Variants in FAM135B observed in about 807,000 individuals in gnomAD.
FAM135B encodes family with sequence similarity 135 member B, also known as protein FAM135B.
In FAM135B, 43 loss-of-function variants were observed where a neutral mutation model predicts 127.7. The ratio of observed to expected loss-of-function variants is 0.34; its 90% confidence interval spans 0.26 to 0.43. The LOEUF is 0.43. Ranked by LOEUF, FAM135B falls within the 20% of genes least tolerant of loss-of-function variation. The probability of loss-of-function intolerance (pLI) is 1.00; values close to 1 mark genes in which losing one functional copy is unlikely to be tolerated. For missense variants in FAM135B, 1,558 were observed against 1,725.6 expected, an observed-to-expected ratio of 0.90 and a Z score of 1.72; for synonymous variants, 670 against 665.1, an observed-to-expected ratio of 1.01 and a Z score of -0.11.
intron 1 of FAM135B, among the ~76,000 whole-genome samples, chr8:138,478,057 T>C (rs1814595026): frequency 6.6e-6 from 1 of 152,118 alleles, no homozygotes; most frequent in African/African-American, 2.4e-5. Context: ...GGATAAGCCA[T>C]GTCGTGAGGT....
At chr8:138,350,915 C>T (rs1829735779) in intron 2 of FAM135B, among the ~76,000 whole-genome samples, 1 of 152,138 alleles carries the variant, frequency 6.6e-6, no homozygotes. Context: ...AATGTCGTTG[C>T]CATATAACCT....
At chr8:138,428,768 T>C (rs563095806) in intron 1 of FAM135B, among the ~76,000 whole-genome samples, 68 of 152,350 alleles carry the variant, frequency 4.5e-4, no homozygotes, top group African/African-American at 1.6e-3. Flanking sequence ...GGTCCCACTT[T>C]CCTTTTAAAC....
Position 138,423,503 on chromosome 8 carries a change from G to A in FAM135B, c.-19-55501C>T, listed in dbSNP as rs899020589. Among the ~76,000 whole-genome samples, 10 of 152,194 alleles carry A rather than the reference G, an allele frequency of 6.6e-5. No homozygotes were observed. The East Asian group carries it at 7.7e-4, about 12-fold the overall frequency. ...TAGGTTCCGTGATGCCCCACAAGCC[G>A]CAAAACCAGCAAGTTTTTATTAGTG... On this transcript the variant is annotated intron_variant, in intron 1 of 19. Transcript: ENST00000395297.
At chr8:138,208,801 G>C (rs1247947192) in intron 7 of FAM135B, among the ~76,000 whole-genome samples, 1 of 152,086 alleles carries the variant, frequency 6.6e-6, no homozygotes, top group Non-Finnish European at 1.5e-5. Flanking sequence ...GTGTACTTAA[G>C]TGATATTTTA....
At chr8:138,169,049 T>C (rs1161244089) in intron 11 of FAM135B, among the ~76,000 whole-genome samples, 4 of 152,114 alleles carry the variant, frequency 2.6e-5, no homozygotes, top group Non-Finnish European at 5.9e-5. Context: ...CTCAGCATTC[T>C]CAGTAACAGA....
At chr8:138,455,073 C>A (rs1426690305) in intron 1 of FAM135B, among the ~76,000 whole-genome samples, 1 of 152,206 alleles carries the variant, frequency 6.6e-6, no homozygotes, top group African/African-American at 2.4e-5. Context: ...AATGTGGGAA[C>A]TGAGTGTGAT....
chr8:138,205,227 T>C (rs1817465289), intron 7 of FAM135B, among the ~76,000 whole-genome samples: 1 of 152,206 alleles, frequency 6.6e-6, no homozygotes, highest in Admixed American at 6.5e-5. Context: ...CTCACACCCA[T>C]TTTGGAGAGT....
chr8:138,332,797 C>T (rs946540922), intron 2 of FAM135B, among the ~76,000 whole-genome samples: 1 of 152,112 alleles, frequency 6.6e-6, no homozygotes, highest in Non-Finnish European at 1.5e-5. Flanking sequence ...TGTTGAGTTA[C>T]ACCCAAACGA....
intron 1 of FAM135B, among the ~76,000 whole-genome samples, chr8:138,393,187 G>A (rs1449410666): frequency 6.6e-6 from 1 of 152,074 alleles, no homozygotes; most frequent in African/African-American, 2.4e-5. Flanking sequence ...TCTCCCAGTG[G>A]GTCCCTCCCA....
At chr8:138,308,378 T>C (rs976757151) in intron 3 of FAM135B, among the ~76,000 whole-genome samples, 3 of 152,174 alleles carry the variant, frequency 2.0e-5, no homozygotes, top group Non-Finnish European at 2.9e-5. Context: ...AATAAGCCAT[T>C]GTTAAAAGTC....
intron 1 of FAM135B, among the ~76,000 whole-genome samples, chr8:138,398,689 A>T (rs1366349856): frequency 6.6e-6 from 1 of 152,168 alleles, no homozygotes; most frequent in Non-Finnish European, 1.5e-5. Context: ...TCCTCCAAAG[A>T]GGGGGGCATC....
intron 3 of FAM135B, among the ~76,000 whole-genome samples, chr8:138,278,702 A>G (rs1021500563): frequency 2.0e-5 from 3 of 151,614 alleles, no homozygotes; most frequent in African/African-American, 7.3e-5. Context: ...AGCTGGGACT[A>G]TAGGTGCCCA....
intron 9 of FAM135B, among the ~76,000 whole-genome samples, chr8:138,185,780 C>T (rs1815503707): frequency 6.6e-6 from 1 of 152,214 alleles, no homozygotes; most frequent in Admixed American, 6.5e-5. Flanking sequence ...AGCAACATTG[C>T]TCTCCAGTTG....
chr8:138,426,175 A>G (rs1163818707), intron 1 of FAM135B, among the ~76,000 whole-genome samples: 2 of 148,978 alleles, frequency 1.3e-5, no homozygotes, highest in Non-Finnish European at 3.0e-5. Context: ...ACCAGAAAAA[A>G]CTCTAAGCCT....
Position 138,266,159 on chromosome 8 carries a change from C to T in FAM135B, c.158-317G>A, listed in dbSNP as rs80025281. Reference sequence around the variant, plus strand: ...CTCACCTGTTCACCTGTCCCCTTCTCTGTGAAGCATTCCATAAACCTCCTC... The same window carrying T: ...CTCACCTGTTCACCTGTCCCCTTCTTTGTGAAGCATTCCATAAACCTCCTC... On this transcript the variant is annotated intron_variant, in intron 3 of 19. Transcript: ENST00000395297. 3.3e-3 allele frequency among the ~76,000 whole-genome samples: 495 copies of T among 152,242 alleles called. 1 individual carries two copies. The highest frequency in any genetic ancestry group is 0.011 in the African/African-American group (464 of 41,550).
Position 138,131,891 on chromosome 8 carries a change from C to A in FAM135B, c.*702G>T, listed in dbSNP as rs1816245736. 1 of 152,620 alleles carries A rather than the reference C, an allele frequency of 6.6e-6. No individual in the cohort carries two copies. The highest frequency in any genetic ancestry group is 6.5e-5 in the Admixed American group (1 of 15,272). The allele number at this position is 152,620 out of a possible 1,614,324, so 9.5% of individuals were successfully genotyped here. A position where few individuals can be genotyped will look rare whatever the true frequency, so the allele number is the denominator to read the frequency against. ...AAGAATTCTGGGGAAGTAGGTGGAG[C>A]AACTATTCATAGTTCAGTATGTCCC... On this transcript the variant is annotated 3_prime_UTR_variant, in exon 20 of 20. Transcript: ENST00000395297.
intron 2 of FAM135B, among the ~76,000 whole-genome samples, chr8:138,319,196 T>C (rs1272362762): frequency 1.3e-5 from 2 of 152,134 alleles, no homozygotes; most frequent in Non-Finnish European, 2.9e-5. Context: ...AACCTCTGCC[T>C]CCCAGGTTCA....
intron 1 of FAM135B, among the ~76,000 whole-genome samples, chr8:138,375,554 G>A (rs1410839258): frequency 6.6e-6 from 1 of 152,140 alleles, no homozygotes; most frequent in Non-Finnish European, 1.5e-5. Context: ...TAACACAGAA[G>A]GTTGACAACA....
At chr8:138,455,209 A>G (rs775532543) in intron 1 of FAM135B, among the ~76,000 whole-genome samples, 18 of 152,212 alleles carry the variant, frequency 1.2e-4, no homozygotes, top group Non-Finnish European at 2.2e-4. Context: ...TGGAGGTTAA[A>G]TATGTCTCCA....
Sources: gnomAD v4.1 joint callset for allele counts (sites outside exome capture counted in the v4.1 genomes callset) on GRCh38, gnomAD v4.1.1 for gene constraint, MANE v1.5 for transcripts, NCBI Gene and HGNC (gene_info 2026-07-23, HGNC 2026-07-21) for gene names.